ADCY9: variants seen among roughly 807,000 people sequenced by gnomAD.
ADCY9 encodes adenylate cyclase 9.
ADCY9 carries 50 observed loss-of-function variants against 101.5 expected under a neutral mutation model. The observed-to-expected ratio is 0.49, with a 90% CI of 0.39 to 0.62. ADCY9 has a LOEUF of 0.62. Ranked by LOEUF, ADCY9 falls within the 20% of genes least tolerant of loss-of-function variation. The pLI is 0.00. For synonymous variants in ADCY9, 905 were observed against 769.3 expected (o/e 1.18, Z -2.92); for missense variants, 1,662 against 1,800.4 (o/e 0.92, Z 1.39).
Position 3,966,669 on chromosome 16 carries a change from G to A in ADCY9, c.3168C>T (p.Ser1056=), listed in dbSNP as rs1203582719. The change falls in exon 11 of 11, where the codon AGC becomes AGT. Residue 1056 remains serine (S), a synonymous_variant. Coordinates refer to ENST00000294016, the MANE Select transcript of ADCY9 (RefSeq NM_001116.4). ...CGATGCTGGCGAAGATCACCCCTCC[G>A]CTGTCATGGTTCTTGGAGTAGGTCT... ...VSQTYSKNHD[S]GGVIFASIVN... is the part of the protein sequence containing the mutation. 1.3e-5 allele frequency: 21 copies of A among 1,614,128 alleles called. No homozygotes were observed. Among genetic ancestry groups the A allele is most frequent in the Non-Finnish European group, 1.7e-5 (20 of 1,180,040 alleles).
intron 2 of ADCY9, among the ~76,000 whole-genome samples, chr16:4,023,673 G>A (rs926452728): frequency 2.0e-5 from 3 of 152,226 alleles, no homozygotes; most frequent in Admixed American, 1.3e-4. Flanking sequence ...AGCACTTTGG[G>A]AGGCCGAGGT....
At chr16:4,025,437 C>G (rs2531963) in intron 2 of ADCY9, among the ~76,000 whole-genome samples, 143,983 of 151,614 alleles carry the variant, frequency 0.95, 68,782 homozygotes, top group East Asian at 1. Context: ...AGGCCACTAG[C>G]AAAGCCAGCC....
intron 7 of ADCY9, among the ~76,000 whole-genome samples, chr16:3,980,434 C>T (rs981089271): frequency 6.6e-6 from 1 of 152,196 alleles, no homozygotes; most frequent in East Asian, 1.9e-4. Context: ...CGTGGGGAGA[C>T]AGTCCTTCTC....
At chr16:4,097,624 G>C (rs1013619982) in intron 2 of ADCY9, among the ~76,000 whole-genome samples, 1 of 136,130 alleles carries the variant, frequency 7.3e-6, no homozygotes, top group African/African-American at 2.7e-5. Context: ...CGCAATCTCA[G>C]CAACCTCCAT....
At chr16:4,109,002 G>C (rs1167357010) in intron 2 of ADCY9, among the ~76,000 whole-genome samples, 1 of 152,000 alleles carries the variant, frequency 6.6e-6, no homozygotes, top group Non-Finnish European at 1.5e-5. Context: ...CACCATGCCT[G>C]GCCCCTCACT....
intron 2 of ADCY9, among the ~76,000 whole-genome samples, chr16:4,009,195 T>A (rs1303518724): frequency 6.6e-6 from 1 of 152,182 alleles, no homozygotes; most frequent in African/African-American, 2.4e-5. Flanking sequence ...AGGTCATAGC[T>A]GAGAATCAAA....
chr16:3,958,495 G>T (rs1439926759), downstream of ADCY9, among the ~76,000 whole-genome samples: 2 of 142,892 alleles, frequency 1.4e-5, no homozygotes, highest in Non-Finnish European at 3.0e-5. Flanking sequence ...AGCCGAGATC[G>T]CGCCATTGCA....
intron 7 of ADCY9, among the ~76,000 whole-genome samples, chr16:3,979,781 G>A (rs550469727): frequency 4.7e-4 from 72 of 152,364 alleles, no homozygotes; most frequent in African/African-American, 1.7e-3. Flanking sequence ...GTGCCACCCA[G>A]GGAGGTTCTG....
chr16:4,004,907 C>T (rs907792287), intron 3 of ADCY9, among the ~76,000 whole-genome samples: 13 of 152,138 alleles, frequency 8.5e-5, no homozygotes, highest in Non-Finnish European at 1.6e-4. Context: ...ACAGGACACA[C>T]GTGAAAATCT....
chr16:3,966,266 C>T lies in ADCY9; in HGVS notation c.3571G>A (p.Val1191Ile). Residue 1191 changes from valine to isoleucine, a missense_variant, in exon 11 of 11, where the codon GTC becomes ATC. This residue lies in a region of ADCY9 where 220 missense variants were observed against 312.9 expected (regional missense o/e 0.70). Coordinates refer to ENST00000294016, the MANE Select transcript of ADCY9 (RefSeq NM_001116.4). ...GTGTCCATCCTGCTGGCGATGTTGA[C>T]GGTGTCTCCCCAGATGTCGTACAGC... ...KLLYDIWGDT[V>I]NIASRMDTTG... 3 of 1,614,206 alleles carry T rather than the reference C, an allele frequency of 1.9e-6. No individual in the cohort carries two copies. Among genetic ancestry groups the T allele is most frequent in the Non-Finnish European group, 2.5e-6 (3 of 1,180,052 alleles).
intron 2 of ADCY9, among the ~76,000 whole-genome samples, chr16:4,103,115 T>C (rs2141201847): frequency 6.6e-6 from 1 of 152,364 alleles, no homozygotes; most frequent in Non-Finnish European, 1.5e-5. Context: ...AAAAGGTCAA[T>C]GTATGAACTA....
In ADCY9 at chr16:3,989,000, C is replaced by T. The variant is rs759974500; in HGVS notation, c.2304G>A (p.Gln768=). 1.9e-6 allele frequency: 3 copies of T among 1,612,324 alleles called. No homozygotes were observed. Among genetic ancestry groups the T allele is most frequent in the East Asian group, 2.2e-5 (1 of 44,862 alleles). Residue 768 remains glutamine, a synonymous_variant, in exon 6 of 11, where the codon CAG becomes CAA. Coordinates refer to ENST00000294016, the MANE Select transcript of ADCY9 (RefSeq NM_001116.4). The part of the protein sequence containing the change: ...ELERSYRTSY[Q]EEVIKNSPVK... The stretch of plus-strand genomic sequence containing the variant: ...CAAGGAGAAATGAACGCACCTCTTC[C>T]TGATAGCTGGTCCTGTAGGATCGCT...
In ADCY9 at chr16:4,114,382, C is replaced by T. The variant is rs764548396; in HGVS notation, c.1061G>A (p.Ser354Asn). 3 of 1,614,100 alleles carry T rather than the reference C, an allele frequency of 1.9e-6. No homozygotes were observed. The Admixed American group carries it at 5.0e-5, about 27-fold the overall frequency. Reference protein sequence around the residue: ...DDLMKQGDEESENSVKRHATS... With the variant: ...DDLMKQGDEENENSVKRHATS... ...GGCATGCCTCTTGACAGAATTCTCA[C>T]TCTCCTCATCTCCCTGCTTCATTAA... The change falls in exon 2 of 11, where the codon AGT becomes AAT. Residue 354 changes from serine (S) to asparagine (N), a missense_variant. By Grantham distance (46) the Ser-to-Asn change is conservative (BLOSUM62 1). Around this residue, in one of 5 missense-constraint regions of ADCY9, gnomAD observed 228 missense variants for 301.1 expected, o/e 0.76. Coordinates refer to ENST00000294016, the MANE Select transcript of ADCY9 (RefSeq NM_001116.4). This position sits in a 1 kb window ranked among gnomAD's most constrained non-coding sequence, Gnocchi z 4.3.
chr16:4,111,405 T>G lies in ADCY9; in HGVS notation c.1693+2345A>C, dbSNP rs376812661. On this transcript the variant is annotated intron_variant, in intron 2 of 10. Transcript: ENST00000294016. Reference sequence around the variant, plus strand: ...TTCAAACAATTCTCCTGCCTCAGCCTCCCGTAATACCCAATATTGTATAGA... The same window carrying G: ...TTCAAACAATTCTCCTGCCTCAGCCGCCCGTAATACCCAATATTGTATAGA... 8.5e-5 allele frequency among the ~76,000 whole-genome samples: 13 copies of G among 152,216 alleles called. No homozygotes were observed. In the East Asian group the frequency reaches 1.9e-3, roughly 23 times the overall value.
intron 2 of ADCY9, among the ~76,000 whole-genome samples, chr16:4,034,336 A>G (rs977406120): frequency 1.7e-4 from 26 of 152,166 alleles, no homozygotes; most frequent in African/African-American, 6.3e-4. Context: ...CTAGGCTTCC[A>G]TGCCATATAA....
intron 2 of ADCY9, among the ~76,000 whole-genome samples, chr16:4,064,630 G>A (rs1196102095): frequency 1.3e-5 from 2 of 151,740 alleles, no homozygotes; most frequent in Non-Finnish European, 2.9e-5. Flanking sequence ...GTACCACTAT[G>A]CCCAGCTAAT....
intron 2 of ADCY9, among the ~76,000 whole-genome samples, chr16:4,018,690 G>C (rs34527175): frequency 6.6e-6 from 1 of 152,128 alleles, no homozygotes; most frequent in African/African-American, 2.4e-5. Flanking sequence ...TTTTCAACTT[G>C]TTTTCTAGTT....
rs184370412 is a variant in ADCY9, at chr16:3,992,094, G to T, written c.2207+52C>A. ...TTAAAGAAAAGAAAAGAAAAAGGCA[G>T]AGAGGCTTCTGCCTGCAACCTTTGC... On this transcript the variant is annotated intron_variant, in intron 5 of 10. Transcript: ENST00000294016. The surrounding 1 kb of genome is among the most constrained non-coding windows in gnomAD (Gnocchi z 4.2). 1,876 of 1,565,908 alleles carry T rather than the reference G, an allele frequency of 1.2e-3. 5 individuals are homozygous for T. Among genetic ancestry groups the T allele is most frequent in the Admixed American group, 1.8e-3 (103 of 58,246 alleles).
Position 4,116,302 on chromosome 16 carries a change from G to GCGCCCA in ADCY9, c.-662_-657dup, listed in dbSNP as rs1465503572. 1 of 145,666 alleles carries GCGCCCA rather than the reference G, an allele frequency of 6.9e-6. No individual in the cohort carries two copies. 9.0% of individuals were successfully genotyped at this position (145,666 alleles called of 1,614,324 possible). Reference sequence around the variant, plus strand: ...CGCCGGCCGGGACGCCCGCCCGCCCGCGCCCACGCCGGGGGCCGCCTCCCC... The same window carrying GCGCCCA: ...CGCCGGCCGGGACGCCCGCCCGCCCGCGCCCACGCCCACGCCGGGGGCCGCCTCCCC... On this transcript the variant is annotated 5_prime_UTR_variant, in exon 1 of 11. Coordinates refer to ENST00000294016, the MANE Select transcript of ADCY9 (RefSeq NM_001116.4).
Sources: gnomAD v4.1 joint callset for allele counts (sites outside exome capture counted in the v4.1 genomes callset) on GRCh38, gnomAD v4.1.1 for gene constraint, gnomAD v4.1.1 regional missense constraint, Gnocchi (gnomAD v3.1) non-coding constraint, MANE v1.5 for transcripts, NCBI Gene and HGNC (gene_info 2026-07-23, HGNC 2026-07-21) for gene names.